The following ARFGEF1 variants were observed in gnomAD, a reference collection of about 807,000 sequenced individuals.
ARFGEF1 encodes the protein ARF guanine nucleotide exchange factor 1.
Under a neutral mutation model 231.0 loss-of-function variants are expected in ARFGEF1, and 42 were observed. That is an observed-to-expected ratio of 0.18 (90% CI 0.14 to 0.24). The LOEUF is 0.24. Among genes scored for constraint, ARFGEF1 ranks in the 10% least tolerant of loss-of-function variants. The pLI is 1.00. For missense variants in ARFGEF1, 1,345 were observed against 2,192.0 expected (o/e 0.61, Z 7.72); for synonymous variants, 710 against 732.3 (o/e 0.97, Z 0.49).
intron 34 of ARFGEF1, among the ~76,000 whole-genome samples, chr8:67,207,873 G>A (rs1056162900): frequency 1.2e-4 from 18 of 152,178 alleles, no homozygotes; most frequent in African/African-American, 4.3e-4. Context: ...CCAGGGGAGC[G>A]AGAGTGGAAT....
intron 1 of ARFGEF1, among the ~76,000 whole-genome samples, chr8:67,304,581 C>T (rs913932127): frequency 6.6e-6 from 1 of 152,180 alleles, no homozygotes; most frequent in African/African-American, 2.4e-5. Flanking sequence ...AATCCCAGCA[C>T]CTTGGGAAGC....
At chr8:67,248,895 A>G (rs1206131253) in intron 19 of ARFGEF1, among the ~76,000 whole-genome samples, 1 of 150,712 alleles carries the variant, frequency 6.6e-6, no homozygotes, top group Non-Finnish European at 1.5e-5. Flanking sequence ...AAATTATGAC[A>G]AAGTGCAATA....
At chr8:67,293,222 T>C (rs1806084941) in intron 5 of ARFGEF1, among the ~76,000 whole-genome samples, 1 of 152,146 alleles carries the variant, frequency 6.6e-6, no homozygotes, top group African/African-American at 2.4e-5. Context: ...ACACAATACA[T>C]GTTCATAGCC....
intron 7 of ARFGEF1, among the ~76,000 whole-genome samples, chr8:67,280,826 C>T (rs1805503586): frequency 6.6e-6 from 1 of 152,138 alleles, no homozygotes; most frequent in Non-Finnish European, 1.5e-5. Flanking sequence ...TATACAATTA[C>T]TGAGAGTAGA....
At chr8:67,203,295 A>C in intron 35 of ARFGEF1, 44 bp from the exon 36 acceptor site, 2 of 1,591,240 alleles carry the variant, frequency 1.3e-6, no homozygotes, top group Middle Eastern at 1.7e-4. Context: ...CAGTCACAAT[A>C]ATTTTACTTG....
At chr8:67,184,966 AGGT>A (rs1410873052) in intron 5 of ARFGEF1, among the ~76,000 whole-genome samples, 7 of 144,058 alleles carry the variant, frequency 4.9e-5, no homozygotes, top group Admixed American at 1.4e-4. Context: ...AAAAAAAAAA[AGGT>A]GGTGGGCACC....
intron 1 of ARFGEF1, among the ~76,000 whole-genome samples, chr8:67,340,447 A>G (rs765585709): frequency 6.6e-6 from 1 of 152,248 alleles, no homozygotes; most frequent in Non-Finnish European, 1.5e-5. Flanking sequence ...CCAACAGACC[A>G]GAGCGGGCCT....
chr8:67,343,138 A>AT (rs1808732872), intron 1 of ARFGEF1, 26 bp downstream of exon 1: 3 of 323,892 alleles, frequency 9.3e-6, no homozygotes, highest in Admixed American at 5.5e-5. Context: ...CAAGCACCCC[A>AT]TCCCCCGGGC....
chr8:67,193,427 G>A (rs200817546), downstream of ARFGEF1: 1,966 of 1,590,072 alleles, frequency 1.2e-3, 47 homozygotes, highest in South Asian at 0.021. Context: ...CATATTTTGT[G>A]TTAATGACTT....
intron 1 of ARFGEF1, among the ~76,000 whole-genome samples, chr8:67,320,271 T>C (rs1807525246): frequency 7.5e-6 from 1 of 132,464 alleles, no homozygotes; most frequent in African/African-American, 2.8e-5. Context: ...TAATTAGCCA[T>C]TAAGAAAATG....
chr8:67,184,694 A>G (rs1391188197), intron 5 of ARFGEF1, among the ~76,000 whole-genome samples: 2 of 151,788 alleles, frequency 1.3e-5, no homozygotes, highest in African/African-American at 4.8e-5. Flanking sequence ...ACTGCACTCC[A>G]GCCTGCATGA....
At chr8:67,222,298 T>C (rs1423779630) in intron 29 of ARFGEF1, among the ~76,000 whole-genome samples, 1 of 145,178 alleles carries the variant, frequency 6.9e-6, no homozygotes, top group Non-Finnish European at 1.5e-5. Flanking sequence ...CAGAGTCTTA[T>C]ACTGTCACCC....
chr8:67,298,105 AT>A (rs34979732), intron 4 of ARFGEF1, among the ~76,000 whole-genome samples: 49,748 of 147,594 alleles, frequency 0.34, 8,364 homozygotes, highest in African/African-American at 0.41. Flanking sequence ...CATGCCCAGT[AT>A]TTTTTTTTTT....
chr8:67,218,606 T>TA (rs1365048877), intron 30 of ARFGEF1, among the ~76,000 whole-genome samples: 2 of 150,266 alleles, frequency 1.3e-5, no homozygotes, highest in Non-Finnish European at 3.0e-5. Context: ...GAAAACACCA[T>TA]AAAAAAAGGG....
At chr8:67,319,244 A>G (rs909703998) in intron 1 of ARFGEF1, among the ~76,000 whole-genome samples, 11 of 152,226 alleles carry the variant, frequency 7.2e-5, no homozygotes, top group African/African-American at 2.4e-4. Context: ...AGGAAAGGCA[A>G]TGTAACTAGG....
chr8:67,267,257 C>A, intron 11 of ARFGEF1, 27 bp from the exon 12 acceptor site: 1 of 1,607,592 alleles, frequency 6.2e-7, no homozygotes, highest in Non-Finnish European at 8.5e-7. Flanking sequence ...TTAATTTCAA[C>A]AAAGTACATC....
intron 10 of ARFGEF1, among the ~76,000 whole-genome samples, chr8:67,268,561 C>T (rs2128894802): frequency 6.6e-6 from 1 of 152,214 alleles, no homozygotes; most frequent in East Asian, 1.9e-4. Flanking sequence ...ATAATTATCT[C>T]CGCAAAGCTG....
At chr8:67,294,439 A>G (rs1380753144) in intron 5 of ARFGEF1, among the ~76,000 whole-genome samples, 4 of 152,200 alleles carry the variant, frequency 2.6e-5, no homozygotes, top group African/African-American at 9.7e-5. Flanking sequence ...CTAGAAAATA[A>G]TATTTTGAAT....
intron 1 of ARFGEF1, among the ~76,000 whole-genome samples, chr8:67,338,834 A>ATT (rs1333800413): frequency 9.2e-5 from 14 of 152,354 alleles, no homozygotes. Flanking sequence ...AGATTTGTTA[A>ATT]TGGATTTAAA....
Sources: allele counts gnomAD v4.1 joint callset (sites outside exome capture counted in the v4.1 genomes callset), GRCh38; gene constraint gnomAD v4.1.1; transcripts MANE v1.5; gene names NCBI Gene and HGNC (gene_info 2026-07-23, HGNC 2026-07-21).